The following ANKS1B variants were observed in gnomAD, a reference collection of about 807,000 sequenced individuals.
ANKS1B encodes ankyrin repeat and sterile alpha motif domain-containing protein 1B.
Under a neutral mutation model 148.3 loss-of-function variants are expected in ANKS1B, and 36 were observed. The observed-to-expected ratio is 0.24, with a 90% CI of 0.19 to 0.32. ANKS1B has a LOEUF of 0.32. Among genes scored for constraint, ANKS1B ranks in the 10% least tolerant of loss-of-function variants. The pLI is 1.00. For missense variants in ANKS1B, 1,157 were observed against 1,542.6 expected, an observed-to-expected ratio of 0.75 and a Z score of 4.19; for synonymous variants, 542 against 560.8, an observed-to-expected ratio of 0.97 and a Z score of 0.47.
chr12:99,517,102 G>A (rs2096829116), intron 9 of ANKS1B, among the ~76,000 whole-genome samples: 1 of 151,894 alleles, frequency 6.6e-6, no homozygotes, highest in Non-Finnish European at 1.5e-5. Flanking sequence ...CATTGCTTTG[G>A]GTAGTATGGA....
At chr12:99,589,014 C>T (rs1353925450) in intron 9 of ANKS1B, among the ~76,000 whole-genome samples, 1 of 152,194 alleles carries the variant, frequency 6.6e-6, no homozygotes. Context: ...GCACACACTA[C>T]AAACACTTCA....
chr12:99,665,834 T>C (rs773000534), intron 8 of ANKS1B, among the ~76,000 whole-genome samples: 8 of 152,318 alleles, frequency 5.3e-5, no homozygotes, highest in Non-Finnish European at 1.2e-4. Context: ...AAATATTCTA[T>C]ATTCTAGACA....
chr12:98,932,092 A>G (rs535333319), intron 17 of ANKS1B, among the ~76,000 whole-genome samples: 9 of 152,212 alleles, frequency 5.9e-5, no homozygotes, highest in Non-Finnish European at 1.0e-4. Context: ...CATTCTCCCC[A>G]TTATGATGTG....
At chr12:99,537,540 G>C (rs975912267) in intron 9 of ANKS1B, among the ~76,000 whole-genome samples, 3 of 152,104 alleles carry the variant, frequency 2.0e-5, no homozygotes, top group African/African-American at 7.2e-5. Context: ...TCATACGCCT[G>C]TTTTCCAGTT....
chr12:99,044,350 C>T (rs545426424), intron 17 of ANKS1B, among the ~76,000 whole-genome samples: 2 of 148,912 alleles, frequency 1.3e-5, no homozygotes, highest in Non-Finnish European at 2.9e-5. Context: ...AGCTAATTCA[C>T]CCTGACAGTT....
intron 17 of ANKS1B, among the ~76,000 whole-genome samples, chr12:98,854,863 T>G (rs1295343730): frequency 6.6e-6 from 1 of 152,202 alleles, no homozygotes; most frequent in African/African-American, 2.4e-5. Context: ...TGAATAAAGT[T>G]TTTAAAAATC....
At chr12:99,199,632 A>G (rs979534198) in intron 14 of ANKS1B, among the ~76,000 whole-genome samples, 2 of 152,156 alleles carry the variant, frequency 1.3e-5, no homozygotes, top group Non-Finnish European at 1.5e-5. Context: ...CCCTTAGAAA[A>G]TGAGAAAGAC....
chr12:99,728,574 T>A lies in ANKS1B; in HGVS notation c.1128+44348A>T, dbSNP rs575814730. 3.3e-4 allele frequency among the ~76,000 whole-genome samples: 51 copies of A among 152,328 alleles called. 1 individual carries two copies. The highest frequency in any genetic ancestry group is 1.2e-3 in the African/African-American group (51 of 41,576). On this transcript the variant is annotated intron_variant, in intron 8 of 26. Transcript: ENST00000683438. ...TTGTGGACGACAGTATGGCAATTCG[T>A]CAAGGATCTAGAACCAGAAATACCA...
chr12:99,121,321 ATGTGTGTGTGTGTG>A (rs57560069), intron 15 of ANKS1B, among the ~76,000 whole-genome samples: 2 of 142,856 alleles, frequency 1.4e-5, no homozygotes, highest in South Asian at 2.3e-4. Context: ...GTATGTAGGT[ATGTGTGTGTGTGTG>A]TGTGTGTGTG....
At chr12:99,106,596 G>A (rs2059273550) in intron 15 of ANKS1B, among the ~76,000 whole-genome samples, 1 of 152,130 alleles carries the variant, frequency 6.6e-6, no homozygotes, top group African/African-American at 2.4e-5. Flanking sequence ...GTACTTAATA[G>A]TTATACCTAT....
intron 15 of ANKS1B, among the ~76,000 whole-genome samples, chr12:99,140,124 T>G (rs1256455454): frequency 2.0e-5 from 3 of 152,140 alleles, no homozygotes; most frequent in Non-Finnish European, 4.4e-5. Context: ...CATTTTATAA[T>G]AAGTGGGTGT....
chr12:99,267,973 T>C (rs993004287), intron 12 of ANKS1B, among the ~76,000 whole-genome samples: 1 of 152,230 alleles, frequency 6.6e-6, no homozygotes, highest in Non-Finnish European at 1.5e-5. Flanking sequence ...AGGTAGGTTA[T>C]AATGTTTGAG....
At chr12:99,463,423 T>A (rs2096022817) in intron 10 of ANKS1B, among the ~76,000 whole-genome samples, 1 of 151,990 alleles carries the variant, frequency 6.6e-6, no homozygotes, top group Non-Finnish European at 1.5e-5. Flanking sequence ...CACTAGGGAG[T>A]GCCAGACAGT....
At chr12:99,301,105 A>G (rs984103728) in intron 12 of ANKS1B, among the ~76,000 whole-genome samples, 18 of 152,188 alleles carry the variant, frequency 1.2e-4, no homozygotes, top group African/African-American at 3.6e-4. Context: ...CTGATGTCCA[A>G]GGGCAGGAGA....
intron 16 of ANKS1B, among the ~76,000 whole-genome samples, chr12:99,069,895 G>A (rs2153583618): frequency 6.6e-6 from 1 of 152,262 alleles, no homozygotes; most frequent in Admixed American, 6.5e-5. Context: ...AGCAGTTAAG[G>A]GCATAGACTC....
chr12:99,361,806 G>T (rs1448684680), intron 12 of ANKS1B, among the ~76,000 whole-genome samples: 1 of 151,928 alleles, frequency 6.6e-6, no homozygotes, highest in African/African-American at 2.4e-5. Flanking sequence ...AGCACACTGG[G>T]GGTGGGGGAA....
At chr12:98,791,431 C>A (rs990885860) in intron 22 of ANKS1B, among the ~76,000 whole-genome samples, 3 of 152,006 alleles carry the variant, frequency 2.0e-5, no homozygotes, top group Admixed American at 1.3e-4. Flanking sequence ...GTGGGCATTG[C>A]GATTCAATAG....
intron 1 of ANKS1B, among the ~76,000 whole-genome samples, chr12:99,922,075 T>A (rs2094370469): frequency 6.6e-6 from 1 of 152,258 alleles, no homozygotes; most frequent in African/African-American, 2.4e-5. Flanking sequence ...CTCAGTTTCC[T>A]CCTCTATAAA....
At chr12:99,136,565 GA>G (rs1254269593) in intron 15 of ANKS1B, among the ~76,000 whole-genome samples, 5 of 152,084 alleles carry the variant, frequency 3.3e-5, no homozygotes, top group African/African-American at 1.2e-4. Context: ...TTAGGAGAGA[GA>G]AGAGATGATA....
Sources: allele counts gnomAD v4.1 joint callset (sites outside exome capture counted in the v4.1 genomes callset), GRCh38; gene constraint gnomAD v4.1.1; transcripts MANE v1.5; gene names NCBI Gene and HGNC (gene_info 2026-07-23, HGNC 2026-07-21).